Variants in FAF1 observed in about 807,000 individuals in gnomAD.
The protein encoded by FAF1 is FAS-associated factor 1.
A neutral mutation model predicts 92.5 loss-of-function variants in FAF1; 25 were observed. The observed-to-expected ratio is 0.27, with a 90% CI of 0.20 to 0.38. The LOEUF is 0.38. Ranked by LOEUF, FAF1 falls within the 10% of genes least tolerant of loss-of-function variation. The probability of loss-of-function intolerance (pLI) is 1.00; values close to 1 mark genes in which losing one functional copy is unlikely to be tolerated. For missense variants in FAF1, 636 were observed against 793.3 expected, an observed-to-expected ratio of 0.80 and a Z score of 2.38; for synonymous variants, 234 against 273.2, an observed-to-expected ratio of 0.86 and a Z score of 1.42.
At chr1:50,575,084 A>G (rs957525141) in intron 12 of FAF1, among the ~76,000 whole-genome samples, 30 of 151,322 alleles carry the variant, frequency 2.0e-4, no homozygotes, top group African/African-American at 7.3e-4. Context: ...AATTTTTTGT[A>G]TTTTTAATAG....
intron 18 of FAF1, among the ~76,000 whole-genome samples, chr1:50,464,907 G>A (rs1646475501): frequency 6.6e-6 from 1 of 152,208 alleles, no homozygotes; most frequent in African/African-American, 2.4e-5. Context: ...CAGAGGACAG[G>A]AGAATCTATG....
intron 8 of FAF1, among the ~76,000 whole-genome samples, chr1:50,621,457 T>C (rs954777526): frequency 7.1e-6 from 1 of 141,094 alleles, no homozygotes; most frequent in African/African-American, 2.7e-5. Context: ...TGGAGTGTAG[T>C]GGCGGGATCT....
intron 3 of FAF1, among the ~76,000 whole-genome samples, chr1:50,789,939 A>G (rs1661503627): frequency 6.6e-6 from 1 of 152,140 alleles, no homozygotes; most frequent in African/African-American, 2.4e-5. Flanking sequence ...CTCTAAGAAT[A>G]TCCTTTCCTC....
intron 18 of FAF1, among the ~76,000 whole-genome samples, chr1:50,472,291 T>C (rs1400181447): frequency 6.6e-6 from 1 of 151,632 alleles, no homozygotes; most frequent in Non-Finnish European, 1.5e-5. Flanking sequence ...GGCTCTAACA[T>C]GTCCAGGAGG....
At chr1:50,799,545 T>C (rs1452512214) in intron 3 of FAF1, among the ~76,000 whole-genome samples, 1 of 152,146 alleles carries the variant, frequency 6.6e-6, no homozygotes, top group Non-Finnish European at 1.5e-5. Context: ...AGATAATTAG[T>C]ACAGTTTTTT....
intron 4 of FAF1, among the ~76,000 whole-genome samples, chr1:50,772,800 G>A (rs1660820057): frequency 6.6e-6 from 1 of 152,066 alleles, no homozygotes. Flanking sequence ...ATACCCCAGT[G>A]ACACACAATT....
intron 1 of FAF1, among the ~76,000 whole-genome samples, chr1:50,922,478 A>AG (rs1443127412): frequency 1.0e-3 from 146 of 146,172 alleles, no homozygotes; most frequent in Non-Finnish European, 1.8e-3. Context: ...AAAAAAAAAA[A>AG]AAAAGAAAAG....
chr1:50,796,014 AAATG>A (rs1661734698), intron 3 of FAF1, among the ~76,000 whole-genome samples: 1 of 152,154 alleles, frequency 6.6e-6, no homozygotes, highest in Non-Finnish European at 1.5e-5. Flanking sequence ...GACTCTTCAA[AAATG>A]AAGGTGAAAG....
intron 3 of FAF1, among the ~76,000 whole-genome samples, chr1:50,792,379 G>A (rs1475697502): frequency 6.6e-6 from 1 of 152,118 alleles, no homozygotes; most frequent in African/African-American, 2.4e-5. Context: ...CCTTTGTTTT[G>A]GAAGGAGTGA....
chr1:50,749,774 G>A, intron 4 of FAF1, among the ~76,000 whole-genome samples: 1 of 151,120 alleles, frequency 6.6e-6, no homozygotes, highest in African/African-American at 2.4e-5. Context: ...GGATGACAGA[G>A]TGAGAACCTG....
At chr1:50,773,712 T>C (rs1557520871) in intron 4 of FAF1, among the ~76,000 whole-genome samples, 1 of 152,142 alleles carries the variant, frequency 6.6e-6, no homozygotes, top group Admixed American at 6.6e-5. Context: ...AGAGAAAATA[T>C]CAATCAGAGG....
chr1:50,530,642 G>A (rs900762259), intron 15 of FAF1, among the ~76,000 whole-genome samples: 12 of 152,022 alleles, frequency 7.9e-5, no homozygotes, highest in Non-Finnish European at 1.8e-4. Context: ...GAATGTAATT[G>A]GATTGTTTGT....
chr1:50,653,809 G>A (rs1351083815), intron 8 of FAF1, among the ~76,000 whole-genome samples: 1 of 152,086 alleles, frequency 6.6e-6, no homozygotes, highest in South Asian at 2.1e-4. Flanking sequence ...GGTGGAGGTT[G>A]CAATGAGCCA....
intron 2 of FAF1, among the ~76,000 whole-genome samples, chr1:50,845,124 A>G (rs1644287432): frequency 6.6e-6 from 1 of 152,002 alleles, no homozygotes; most frequent in African/African-American, 2.4e-5. Flanking sequence ...GTGATTTAAG[A>G]AAAAAAAGAA....
At chr1:50,799,085 T>C (rs900461084) in intron 3 of FAF1, among the ~76,000 whole-genome samples, 2 of 152,186 alleles carry the variant, frequency 1.3e-5, no homozygotes, top group African/African-American at 2.4e-5. Flanking sequence ...GTGCTGGAAT[T>C]ATAGGCGTGA....
chr1:50,683,483 C>T (rs148966927), intron 7 of FAF1, among the ~76,000 whole-genome samples: 482 of 151,318 alleles, frequency 3.2e-3, no homozygotes, highest in African/African-American at 0.012. Context: ...GCCGAAATCG[C>T]GCCACTGCAC....
intron 2 of FAF1, among the ~76,000 whole-genome samples, chr1:50,819,200 G>T (rs1436747629): frequency 5.3e-5 from 8 of 151,970 alleles, no homozygotes; most frequent in Admixed American, 5.2e-4. Context: ...AGAGCTGGGG[G>T]TTACTAACCA....
At chr1:50,738,253 G>A (rs1659219211) in intron 6 of FAF1, among the ~76,000 whole-genome samples, 3 of 151,930 alleles carry the variant, frequency 2.0e-5, no homozygotes, top group Admixed American at 1.3e-4. Context: ...AGACCAGCCC[G>A]ACCAACATGG....
At chr1:50,694,193 T>G (rs946715911) in intron 7 of FAF1, among the ~76,000 whole-genome samples, 1 of 152,104 alleles carries the variant, frequency 6.6e-6, no homozygotes, top group African/African-American at 2.4e-5. Flanking sequence ...TCAACAGCAA[T>G]GAACTGATAT....
Sources: gnomAD v4.1 joint callset for allele counts (sites outside exome capture counted in the v4.1 genomes callset) on GRCh38, gnomAD v4.1.1 for gene constraint, MANE v1.5 for transcripts, NCBI Gene and HGNC (gene_info 2026-07-23, HGNC 2026-07-21) for gene names.